Variants in FGF14 observed in about 807,000 individuals in gnomAD.
The protein encoded by FGF14 is fibroblast growth factor 14, also known as fibroblast growth factor homologous factor 4.
In FGF14, 5 loss-of-function variants were observed where a neutral mutation model predicts 25.5. The observed-to-expected ratio is 0.20, with a 90% CI of 0.10 to 0.41. The LOEUF (loss-of-function observed/expected upper bound fraction) is 0.41. Ranked by LOEUF, FGF14 falls within the 10% of genes least tolerant of loss-of-function variation. FGF14 has a pLI of 1.00. For missense variants in FGF14, 222 were observed against 320.1 expected (o/e 0.69, Z 2.34); for synonymous variants, 138 against 118.3 (o/e 1.17, Z -1.08).
chr13:102,401,109 C>G (rs2139295923), intron 1 of FGF14, among the ~76,000 whole-genome samples: 1 of 152,166 alleles, frequency 6.6e-6, no homozygotes, highest in South Asian at 2.1e-4. Context: ...GGGGAGCTCG[C>G]GGTTCTTTTT....
intron 1 of FGF14, among the ~76,000 whole-genome samples, chr13:102,078,759 G>C (rs2043484000): frequency 6.6e-6 from 1 of 152,212 alleles, no homozygotes; most frequent in African/African-American, 2.4e-5. Context: ...AACTCTCGAC[G>C]TGTATTAAGA....
chr13:102,045,059 C>T (rs2041920549), intron 1 of FGF14, among the ~76,000 whole-genome samples: 1 of 152,134 alleles, frequency 6.6e-6, no homozygotes, highest in African/African-American at 2.4e-5. Context: ...AAGCTGACCT[C>T]AGAGTCTGAG....
At chr13:101,943,820 A>ATATATATAT (rs1555324427) in intron 1 of FGF14, among the ~76,000 whole-genome samples, 406 of 121,116 alleles carry the variant, frequency 3.4e-3, no homozygotes, top group African/African-American at 0.023. Context: ...CTTAAAAAAA[A>ATATATATAT]AAAAAAATAT....
At chr13:101,961,406 G>A (rs1566498830) in intron 1 of FGF14, among the ~76,000 whole-genome samples, 1 of 152,152 alleles carries the variant, frequency 6.6e-6, no homozygotes, top group Non-Finnish European at 1.5e-5. Flanking sequence ...TTCTGCAAAA[G>A]TCTAGTCAAT....
chr13:101,724,621 TATATATATATAA>T (rs1410223876), intron 4 of FGF14, among the ~76,000 whole-genome samples: 7 of 142,570 alleles, frequency 4.9e-5, no homozygotes, highest in Admixed American at 2.1e-4. Context: ...TATATATATA[TATATATATATAA>T]AACAAAGATA....
chr13:102,262,738 A>G (rs1028970953), intron 1 of FGF14, among the ~76,000 whole-genome samples: 8 of 152,166 alleles, frequency 5.3e-5, no homozygotes, highest in African/African-American at 1.9e-4. Flanking sequence ...TGGACTTTTT[A>G]TGAAGCCCAT....
chr13:101,778,437 C>T (rs1244509856), intron 3 of FGF14, among the ~76,000 whole-genome samples: 2 of 152,142 alleles, frequency 1.3e-5, no homozygotes, highest in African/African-American at 4.8e-5. Context: ...ATCGCCTTGC[C>T]TCAGTCTGCA....
intron 1 of FGF14, among the ~76,000 whole-genome samples, chr13:102,397,846 A>G (rs573907136): frequency 2.6e-5 from 4 of 152,222 alleles, no homozygotes; most frequent in Non-Finnish European, 5.9e-5. Context: ...AAAGAAACCT[A>G]TGAAGCCTCC....
intron 1 of FGF14, among the ~76,000 whole-genome samples, chr13:102,186,379 C>A (rs546397962): frequency 1.3e-5 from 2 of 152,254 alleles, no homozygotes; most frequent in East Asian, 3.9e-4. Flanking sequence ...ATGTTGACAA[C>A]TTATTTTTAC....
At chr13:101,723,109 C>A in intron 4 of FGF14, 142 bp from the exon 5 acceptor site, 1 of 971,570 alleles carries the variant, frequency 1.0e-6, no homozygotes, top group African/African-American at 1.6e-5. Context: ...AGACAGAATT[C>A]CTGTTGTAAA....
intron 1 of FGF14, among the ~76,000 whole-genome samples, chr13:102,062,346 G>A (rs1215238271): frequency 6.6e-6 from 1 of 151,552 alleles, no homozygotes; most frequent in Admixed American, 6.6e-5. Context: ...TAATATATGA[G>A]GCATTGAAAA....
At chr13:101,991,543 A>G (rs1256229039) in intron 1 of FGF14, among the ~76,000 whole-genome samples, 1 of 152,142 alleles carries the variant, frequency 6.6e-6, no homozygotes, top group African/African-American at 2.4e-5. Flanking sequence ...CCATTCTCGT[A>G]ACAAGAAAAA....
At chr13:102,277,858 T>G (rs1026843999) in intron 1 of FGF14, among the ~76,000 whole-genome samples, 2 of 152,260 alleles carry the variant, frequency 1.3e-5, no homozygotes, top group African/African-American at 2.4e-5. Context: ...TTAATGTGTA[T>G]TTGTTTATTT....
intron 1 of FGF14, among the ~76,000 whole-genome samples, chr13:102,200,747 A>G (rs1168686649): frequency 2.6e-5 from 4 of 152,190 alleles, no homozygotes; most frequent in Non-Finnish European, 5.9e-5. Context: ...TGGAGTGTCG[A>G]CTTCATTTGG....
chr13:102,162,712 C>G (rs575203279), intron 1 of FGF14, among the ~76,000 whole-genome samples: 3 of 152,164 alleles, frequency 2.0e-5, no homozygotes, highest in Non-Finnish European at 4.4e-5. Flanking sequence ...ATAATAGAGA[C>G]AGTAAGCTAC....
intron 3 of FGF14, among the ~76,000 whole-genome samples, chr13:101,825,357 T>C (rs1594387934): frequency 6.6e-6 from 1 of 152,186 alleles, no homozygotes; most frequent in Admixed American, 6.5e-5. Flanking sequence ...CTTGAGAGTA[T>C]ACTAAGAGAA....
intron 1 of FGF14, among the ~76,000 whole-genome samples, chr13:102,398,291 G>C (rs1020742262): frequency 3.9e-5 from 6 of 152,188 alleles, no homozygotes; most frequent in Admixed American, 1.3e-4. Flanking sequence ...GAATAACTTT[G>C]TCCTTAAATT....
At chr13:102,076,005 G>T (rs2043345962) in intron 1 of FGF14, among the ~76,000 whole-genome samples, 1 of 152,102 alleles carries the variant, frequency 6.6e-6, no homozygotes, top group East Asian at 1.9e-4. Flanking sequence ...TGTTATTACA[G>T]AAGAGTCAAA....
At chr13:101,801,077 C>T (rs1263923065) in intron 3 of FGF14, among the ~76,000 whole-genome samples, 4 of 152,152 alleles carry the variant, frequency 2.6e-5, no homozygotes, top group Non-Finnish European at 5.9e-5. Context: ...AGCTGGCTCT[C>T]AAAGAGCACA....
Sources: gnomAD v4.1 joint callset for allele counts (sites outside exome capture counted in the v4.1 genomes callset) on GRCh38, gnomAD v4.1.1 for gene constraint, MANE v1.5 for transcripts, NCBI Gene and HGNC (gene_info 2026-07-23, HGNC 2026-07-21) for gene names.